The following BAG2 variants were observed in gnomAD, a reference collection of about 807,000 sequenced individuals.
BAG2 encodes BAG family molecular chaperone regulator 2.
BAG2 carries 8 observed loss-of-function variants against 16.4 expected under a neutral mutation model. The observed-to-expected ratio is 0.49, with a 90% CI of 0.29 to 0.88. The LOEUF (loss-of-function observed/expected upper bound fraction) is 0.88. BAG2 is among the 40% of genes least tolerant of loss of function. The pLI is 0.09. For missense variants in BAG2, 218 were observed against 248.9 expected, an observed-to-expected ratio of 0.88 and a Z score of 0.84; for synonymous variants, 82 against 89.2, an observed-to-expected ratio of 0.92 and a Z score of 0.46.
rs536771345 is a variant in BAG2 at position 57,178,945 on chromosome 6, A to G, written c.114-3087A>G. Among the ~76,000 whole-genome samples the G allele has an allele frequency of 4.6e-5, 7 of 152,374 alleles. No homozygotes were observed. In the South Asian group the frequency reaches 1.2e-3, roughly 27 times the overall value. On this transcript the variant is annotated intron_variant, in intron 1 of 2. Transcript: ENST00000370693. ...GTTAAGAACATGAACTTACTGCTGT[A>G]ACTCATAAATGAAACCTTCCTTTTC...
chr6:57,181,361 G>C (rs1443138697), intron 1 of BAG2, among the ~76,000 whole-genome samples: 1 of 152,176 alleles, frequency 6.6e-6, no homozygotes, highest in African/African-American at 2.4e-5. Context: ...GTATACACAT[G>C]GAGTATTATA....
chr6:57,172,515 C>T lies in BAG2; in HGVS notation c.-183C>T, dbSNP rs570102176. ...TCCCCGAGCCCCGCGGGCGCCGCGC[C>T]TGCCCTTCTTTGGCTACGCTGCAGC... is the stretch of plus-strand genomic sequence containing the variant. On this transcript the variant is annotated 5_prime_UTR_variant, in exon 1 of 3. Coordinates refer to ENST00000370693, the MANE Select transcript of BAG2 (RefSeq NM_004282.4). The T allele has an allele frequency of 2.8e-4, 128 of 457,582 alleles. No homozygotes were observed. The highest frequency in any genetic ancestry group is 2.2e-3 in the African/African-American group (108 of 48,394). 28.3% of individuals were successfully genotyped at this position (457,582 alleles called of 1,614,324 possible).
chr6:57,181,967 T>A (rs753883085), intron 1 of BAG2, 65 bp from the exon 2 acceptor site: 3 of 1,375,590 alleles, frequency 2.2e-6, no homozygotes, highest in Non-Finnish European at 3.0e-6. Flanking sequence ...GAATGAGAGA[T>A]AAAGAAAATT....
intron 1 of BAG2, among the ~76,000 whole-genome samples, chr6:57,175,960 G>A (rs1241275237): frequency 6.6e-6 from 1 of 152,168 alleles, no homozygotes; most frequent in African/African-American, 2.4e-5. Context: ...TGGAGGGTGG[G>A]GTCTTGGGGA....
chr6:57,183,706 A>G, intron 2 of BAG2, 72 bp from the exon 3 acceptor site: 1 of 1,364,022 alleles, frequency 7.3e-7, no homozygotes. Context: ...AAAGAAAATA[A>G]TAAATTTAGT....
chr6:57,172,574 G>A lies in BAG2; in HGVS notation c.-124G>A. On this transcript the variant is annotated 5_prime_UTR_variant, in exon 1 of 3. Transcript: ENST00000370693. ...CGGCGAGTCCTCCCGGGTTGCCCCC[G>A]CGGGCGTCAGAGGGAGGGCGGGCGC... The A allele has an allele frequency of 4.0e-6, 3 of 758,290 alleles. No individual in the cohort carries two copies. In the East Asian group the frequency reaches 1.0e-4, roughly 26 times the overall value. 47.0% of individuals were successfully genotyped at this position (758,290 alleles called of 1,614,324 possible).
chr6:57,175,168 C>CT lies in BAG2; in HGVS notation c.113+2359dup, dbSNP rs565266829. 3.5e-4 allele frequency among the ~76,000 whole-genome samples: 53 copies of CT among 152,294 alleles called. No homozygotes were observed. The South Asian group carries it at 3.7e-3, about 11-fold the overall frequency. On this transcript the variant is annotated intron_variant, in intron 1 of 2. Coordinates refer to ENST00000370693, the MANE Select transcript of BAG2 (RefSeq NM_004282.4). Reference sequence around the variant, plus strand: ...TTTGACGATCAGTTCTAAATGGACTCTGAGTTTTGCATTCTTCAGTGGCTC... The same window carrying CT: ...TTTGACGATCAGTTCTAAATGGACTCTTGAGTTTTGCATTCTTCAGTGGCTC...
At chr6:57,174,306 T>G (rs1336657012) in intron 1 of BAG2, 1 of 1,303,014 alleles carries the variant, frequency 7.7e-7, no homozygotes, top group Non-Finnish European at 1.0e-6. Context: ...AAGAAAAGTT[T>G]TCCTAAAGGA....
rs1320717912 is a variant in BAG2, at chr6:57,186,463, C to T, written c.*2273C>T. 1 of 152,284 alleles carries T rather than the reference C, an allele frequency of 6.6e-6. No individual in the cohort carries two copies. Among genetic ancestry groups the T allele is most frequent in the Non-Finnish European group, 1.5e-5 (1 of 68,228 alleles). The allele number at this position is 152,284 out of a possible 1,614,324, so 9.4% of individuals were successfully genotyped here. A position where few individuals can be genotyped will look rare whatever the true frequency, so the allele number is the denominator to read the frequency against. ...TCCCTAGTAGTTGGGACTACAGGCG[C>T]CCACCACCACGCCCGGCTAAATTTT... is the stretch of plus-strand genomic sequence containing the variant. On this transcript the variant is annotated 3_prime_UTR_variant, in exon 3 of 3. Coordinates refer to ENST00000370693, the MANE Select transcript of BAG2 (RefSeq NM_004282.4).
chr6:57,182,753 C>T (rs1397084551), intron 2 of BAG2, among the ~76,000 whole-genome samples: 2 of 152,016 alleles, frequency 1.3e-5, no homozygotes, highest in African/African-American at 2.4e-5. Flanking sequence ...TGGGTTGAAG[C>T]GATTCTCCTG....
Position 57,183,813 on chromosome 6 carries a change from T to C in BAG2, c.259T>C (p.Leu87=), listed in dbSNP as rs897138253. The C allele has an allele frequency of 4.4e-6, 7 of 1,603,040 alleles. No homozygotes were observed. Among genetic ancestry groups the C allele is most frequent in the Non-Finnish European group, 6.0e-6 (7 of 1,175,834 alleles). The change falls in exon 3 of 3, where the codon TTG becomes CTG. Residue 87 remains leucine, a synonymous_variant. Transcript: ENST00000370693. The part of the protein sequence containing the change: ...REELNLTANR[L]MGRTLTVEVS... Reference sequence around the variant, plus strand: ...AGAATTAAATCTGACTGCAAACCGTTTGATGGGAAGAACTCTCACCGTTGA... The same window carrying C: ...AGAATTAAATCTGACTGCAAACCGTCTGATGGGAAGAACTCTCACCGTTGA...
intron 1 of BAG2, among the ~76,000 whole-genome samples, chr6:57,179,586 A>T (rs1330517192): frequency 6.6e-6 from 1 of 152,132 alleles, no homozygotes; most frequent in African/African-American, 2.4e-5. Flanking sequence ...TCTTTCATGA[A>T]CTTGTATTTC....
At position 57,188,157 on chromosome 6, in the gene BAG2, T is replaced by TAA. The variant is rs2127995041; in HGVS notation, c.*3969_*3970dup. On this transcript the variant is annotated 3_prime_UTR_variant, in exon 3 of 3. Transcript: ENST00000370693. ...TTTAGTATACATGGTTTCATAAAAT[T>TAA]AAAGTTATTTAAGAGAATGAAGGGT... 1 of 152,254 alleles carries TAA rather than the reference T, an allele frequency of 6.6e-6. No individual in the cohort carries two copies. The highest frequency in any genetic ancestry group is 2.4e-5 in the African/African-American group (1 of 41,562). 9.4% of individuals were successfully genotyped at this position (152,254 alleles called of 1,614,324 possible).
At chr6:57,177,749 G>A (rs1463508314) in intron 1 of BAG2, among the ~76,000 whole-genome samples, 1 of 152,176 alleles carries the variant, frequency 6.6e-6, no homozygotes, top group Non-Finnish European at 1.5e-5. Context: ...ACAGCTAGTA[G>A]TGGCAGTGCT....
In BAG2 at chr6:57,182,138, G is replaced by A. The variant is rs753608649; in HGVS notation, c.220G>A (p.Asp74Asn). 6.2e-7 allele frequency: 1 copy of A among 1,613,318 alleles called. No homozygotes were observed. The highest frequency in any genetic ancestry group is 8.5e-7 in the Non-Finnish European group (1 of 1,179,406). ...TAGCCAGGACATGAGGCAGATCAGT[G>A]ACGGTGAGAGCCATCTCCACAGAAG... ...QNSQDMRQISDGEREELNLTA... is the reference protein window; with the variant it reads ...QNSQDMRQISNGEREELNLTA... Residue 74 changes from aspartate (D) to asparagine (N), a missense_variant, in exon 2 of 3, where the codon GAC becomes AAC. This residue lies in a region of BAG2 where 30 missense variants were observed against 57.8 expected (regional missense o/e 0.52). Transcript: ENST00000370693.
intron 1 of BAG2, among the ~76,000 whole-genome samples, chr6:57,174,779 A>C (rs932346668): frequency 1.3e-5 from 2 of 152,226 alleles, no homozygotes; most frequent in African/African-American, 4.8e-5. Context: ...TCATGCGTAG[A>C]AGATCGATTT....
rs925713227 is a variant in BAG2, at chr6:57,188,662, C to T, written c.*4472C>T. 2.0e-5 allele frequency: 3 copies of T among 152,048 alleles called. No homozygotes were observed. The highest frequency in any genetic ancestry group is 7.2e-5 in the African/African-American group (3 of 41,404). The allele number at this position is 152,048 out of a possible 1,614,324, so 9.4% of individuals were successfully genotyped here. A position where few individuals can be genotyped will look rare whatever the true frequency, so the allele number is the denominator to read the frequency against. ...TGTTTGTTAGGAACTGAATTTTGCC[C>T]CCAAAACCTATGTCACTATCAGCAA... On this transcript the variant is annotated 3_prime_UTR_variant, in exon 3 of 3. Coordinates refer to ENST00000370693, the MANE Select transcript of BAG2 (RefSeq NM_004282.4).
chr6:57,185,912 G>C lies in BAG2; in HGVS notation c.*1722G>C, dbSNP rs1436773155. 2.6e-5 allele frequency: 4 copies of C among 152,034 alleles called. No homozygotes were observed. The highest frequency in any genetic ancestry group is 4.4e-5 in the Non-Finnish European group (3 of 68,006). The allele number at this position is 152,034 out of a possible 1,614,324, so 9.4% of individuals were successfully genotyped here. On this transcript the variant is annotated 3_prime_UTR_variant, in exon 3 of 3. Transcript: ENST00000370693. ...CAAATTATTCTGGCTCTGCCTCCTTGACCTTGGTATTCTTAGCATTATTTT... is the reference window on the plus strand; with the variant it reads ...CAAATTATTCTGGCTCTGCCTCCTTCACCTTGGTATTCTTAGCATTATTTT...
rs1214327666 is a variant in BAG2 at position 57,184,690 on chromosome 6, G to C, written c.*500G>C. ...AGTTGTCTCATTCAGCAATGTTAAGGCATCTGTATCAAATTATTTTGGATG... is the reference window on the plus strand; with the variant it reads ...AGTTGTCTCATTCAGCAATGTTAAGCCATCTGTATCAAATTATTTTGGATG... On this transcript the variant is annotated 3_prime_UTR_variant, in exon 3 of 3. Transcript: ENST00000370693. The C allele has an allele frequency of 1.3e-5, 2 of 152,502 alleles. No homozygotes were observed. The highest frequency in any genetic ancestry group is 2.9e-5 in the Non-Finnish European group (2 of 68,020). 9.4% of individuals were successfully genotyped at this position (152,502 alleles called of 1,614,324 possible). A position where few individuals can be genotyped will look rare whatever the true frequency, so the allele number is the denominator to read the frequency against.
Sources: gnomAD v4.1 joint callset for allele counts (sites outside exome capture counted in the v4.1 genomes callset) on GRCh38, gnomAD v4.1.1 for gene constraint, gnomAD v4.1.1 regional missense constraint, MANE v1.5 for transcripts, NCBI Gene and HGNC (gene_info 2026-07-23, HGNC 2026-07-21) for gene names.